TXNDC16: variants seen among roughly 807,000 people sequenced by gnomAD.
TXNDC16 encodes thioredoxin domain containing 16.
In TXNDC16, 74 loss-of-function variants were observed where a neutral mutation model predicts 85.6. The observed-to-expected ratio is 0.86, with a 90% CI of 0.72 to 1.05. The LOEUF (loss-of-function observed/expected upper bound fraction) is 1.05, where lower values mean the gene tolerates loss of function less well. Among genes scored for constraint, TXNDC16 ranks in the 50% least tolerant of loss-of-function variants. The probability of loss-of-function intolerance (pLI) is 0.00; values close to 1 mark genes in which losing one functional copy is unlikely to be tolerated. For synonymous variants in TXNDC16, 335 were observed against 326.5 expected (o/e 1.03, Z -0.28); for missense variants, 959 against 947.0 (o/e 1.01, Z -0.17).
intron 6 of TXNDC16, among the ~76,000 whole-genome samples, chr14:52,535,059 C>T (rs1350424): frequency 0.13 from 20,497 of 152,096 alleles, 1,431 homozygotes; most frequent in Non-Finnish European, 0.15. Flanking sequence ...ATATGCCACT[C>T]CAGGATTTGG....
At chr14:52,549,520 T>A (rs904685351) in intron 1 of TXNDC16, among the ~76,000 whole-genome samples, 1 of 152,222 alleles carries the variant, frequency 6.6e-6, no homozygotes, top group African/African-American at 2.4e-5. Context: ...TATGAGGATT[T>A]GCCTTTGTGT....
intron 9 of TXNDC16, among the ~76,000 whole-genome samples, chr14:52,502,803 G>T (rs573687765): frequency 4.6e-5 from 7 of 152,332 alleles, no homozygotes; most frequent in African/African-American, 1.4e-4. Context: ...AGTGCAAGGG[G>T]TCAGGGAATT....
chr14:52,504,740 TG>T (rs2140173117), intron 9 of TXNDC16, among the ~76,000 whole-genome samples: 1 of 152,288 alleles, frequency 6.6e-6, no homozygotes, highest in East Asian at 1.9e-4. Context: ...TAAATGTAAA[TG>T]GGCTAAATGC....
chr14:52,431,944 G>A lies in TXNDC16; in HGVS notation c.*360C>T, dbSNP rs2034906579. 1.6e-5 allele frequency: 3 copies of A among 184,556 alleles called. No individual in the cohort carries two copies. Among genetic ancestry groups the A allele is most frequent in the Non-Finnish European group, 3.3e-5 (3 of 90,634 alleles). 11.4% of individuals were successfully genotyped at this position (184,556 alleles called of 1,614,324 possible). A position where few individuals can be genotyped will look rare whatever the true frequency, so the allele number is the denominator to read the frequency against. On this transcript the variant is annotated 3_prime_UTR_variant, in exon 21 of 21. Coordinates refer to ENST00000281741, the MANE Select transcript of TXNDC16 (RefSeq NM_020784.3). ...AATACAGTAGTCACAGGCCACATGT[G>A]GCAAGGAACACTTGAAATATGGCTA...
At chr14:52,531,997 T>A (rs2140216176) in intron 6 of TXNDC16, among the ~76,000 whole-genome samples, 1 of 152,248 alleles carries the variant, frequency 6.6e-6, no homozygotes, top group Non-Finnish European at 1.5e-5. Context: ...ACTTTGTTTC[T>A]TAAAAATCCG....
intron 9 of TXNDC16, among the ~76,000 whole-genome samples, chr14:52,498,230 C>A (rs567496172): frequency 6.6e-6 from 1 of 152,234 alleles, no homozygotes; most frequent in African/African-American, 2.4e-5. Flanking sequence ...CCCTCTAAGA[C>A]CATGAACAAG....
intron 6 of TXNDC16, 75 bp downstream of exon 6, chr14:52,536,644 G>C: frequency 8.3e-7 from 1 of 1,210,146 alleles, no homozygotes; most frequent in Non-Finnish European, 1.2e-6. Context: ...ATATTTTAAT[G>C]AATTGTGGTT....
chr14:52,470,051 G>A lies in TXNDC16; in HGVS notation c.1604C>T (p.Pro535Leu), dbSNP rs376114547. ...GCTCTGCTTACCTGTTTTCATGGTT[G>A]GACTAAATAGTCCCAATACTGACAC... The part of the protein sequence containing the change: ...SSVSVLGLFS[P>L]TMKTAKEDFS... Residue 535 changes from proline (P) to leucine (L), a missense_variant, in exon 16 of 21, where the codon CCA becomes CTA. By Grantham distance (98) the Pro-to-Leu change is moderately conservative. Transcript: ENST00000281741. 111 of 1,607,886 alleles carry A rather than the reference G, an allele frequency of 6.9e-5. No individual in the cohort carries two copies. Among genetic ancestry groups the A allele is most frequent in the Non-Finnish European group, 9.1e-5 (107 of 1,177,922 alleles).
intron 14 of TXNDC16, among the ~76,000 whole-genome samples, chr14:52,472,779 T>C (rs1566546317): frequency 6.6e-6 from 1 of 152,162 alleles, no homozygotes; most frequent in African/African-American, 2.4e-5. Context: ...CTTAGGCAGA[T>C]AGCAAGGGTA....
At chr14:52,475,074 G>A (rs111579609) in intron 14 of TXNDC16, among the ~76,000 whole-genome samples, 2,757 of 152,280 alleles carry the variant, frequency 0.018, 39 homozygotes, top group Non-Finnish European at 0.026. Context: ...TAGATTACGG[G>A]AGAAGATTCT....
chr14:52,437,496 G>A (rs117368415), intron 20 of TXNDC16, among the ~76,000 whole-genome samples: 3,880 of 151,986 alleles, frequency 0.026, 73 homozygotes, highest in Middle Eastern at 0.041. Flanking sequence ...TATTGGACTG[G>A]GCAAAGATTT....
At chr14:52,524,546 C>T (rs1312703587) in intron 6 of TXNDC16, among the ~76,000 whole-genome samples, 4 of 151,906 alleles carry the variant, frequency 2.6e-5, no homozygotes, top group Middle Eastern at 3.2e-3. Flanking sequence ...ACAGGCTGAA[C>T]GGCAAAATCA....
intron 8 of TXNDC16, among the ~76,000 whole-genome samples, chr14:52,513,238 T>C (rs754173642): frequency 6.6e-6 from 1 of 152,182 alleles, no homozygotes; most frequent in Non-Finnish European, 1.5e-5. Flanking sequence ...ACTGATGTTA[T>C]AAAGCCAGAA....
At chr14:52,521,278 A>ATT (rs34014029) in intron 6 of TXNDC16, among the ~76,000 whole-genome samples, 15,430 of 134,320 alleles carry the variant, frequency 0.11, 1,136 homozygotes, top group East Asian at 0.37. Context: ...ACGCCTGGCT[A>ATT]TTTTTTTTTT....
intron 8 of TXNDC16, among the ~76,000 whole-genome samples, chr14:52,513,648 C>CTG (rs10533128): frequency 0.067 from 9,893 of 148,450 alleles, 880 homozygotes; most frequent in African/African-American, 0.2. Context: ...TATACATATT[C>CTG]TGTGTGTGTG....
Position 52,470,590 on chromosome 14 carries a change from T to C in TXNDC16, c.1403A>G (p.Lys468Arg), listed in dbSNP as rs1359855114. 2.5e-6 allele frequency: 4 copies of C among 1,613,930 alleles called. No individual in the cohort carries two copies. Among genetic ancestry groups the C allele is most frequent in the African/African-American group, 2.7e-5 (2 of 74,928 alleles). ...KQNVTEFPII[K>R]MYKKGENPVS... ...TGGGTTCTCGCCTTTCTTGTACATC[T>C]TTATGATAGGAAATTCAGTAACATT... is the stretch of plus-strand genomic sequence containing the variant. Residue 468 changes from lysine (K) to arginine (R), a missense_variant, in exon 15 of 21, where the codon AAG (lysine) becomes AGG (arginine). Coordinates refer to ENST00000281741, the MANE Select transcript of TXNDC16 (RefSeq NM_020784.3).
At chr14:52,480,828 A>G (rs1330528269) in intron 14 of TXNDC16, among the ~76,000 whole-genome samples, 3 of 151,882 alleles carry the variant, frequency 2.0e-5, no homozygotes, top group African/African-American at 7.2e-5. Context: ...CCAAAGGAAA[A>G]TAAGTCACTA....
At chr14:52,473,867 GAC>G (rs1273645300) in intron 14 of TXNDC16, among the ~76,000 whole-genome samples, 2 of 150,444 alleles carry the variant, frequency 1.3e-5, no homozygotes, top group Non-Finnish European at 2.9e-5. Flanking sequence ...CTGTCAGAAA[GAC>G]AGATGATAGG....
chr14:52,434,978 T>A (rs1392666008), intron 20 of TXNDC16, among the ~76,000 whole-genome samples: 1 of 152,240 alleles, frequency 6.6e-6, no homozygotes, highest in Non-Finnish European at 1.5e-5. Flanking sequence ...GATTCTTTCC[T>A]CTGGGTAATG....
Sources: allele counts gnomAD v4.1 joint callset (sites outside exome capture counted in the v4.1 genomes callset), GRCh38; gene constraint gnomAD v4.1.1; transcripts MANE v1.5; gene names NCBI Gene and HGNC (gene_info 2026-07-23, HGNC 2026-07-21).